ALLC: variants seen among roughly 807,000 people sequenced by gnomAD.
The protein encoded by ALLC is allantoicase, also known as probable inactive allantoicase.
A neutral mutation model predicts 45.0 loss-of-function variants in ALLC; 40 were observed. That is an observed-to-expected ratio of 0.89 (90% confidence interval 0.69 to 1.16). The LOEUF is 1.16. Ranked by LOEUF, ALLC falls within the 50% of genes most tolerant of loss-of-function variation. The pLI is 0.00. For missense variants in ALLC, 488 were observed against 493.1 expected, an observed-to-expected ratio of 0.99 and a Z score of 0.10; for synonymous variants, 176 against 178.1, an observed-to-expected ratio of 0.99 and a Z score of 0.09.
At chr2:3,688,540 C>G (rs1265910411) in intron 7 of ALLC, 1 of 194,048 alleles carries the variant, frequency 5.2e-6, no homozygotes, top group South Asian at 7.8e-5. Context: ...GTATGAGGCA[C>G]TACTAAGGAT....
chr2:3,670,184 T>C (rs1173211969), intron 1 of ALLC, among the ~76,000 whole-genome samples: 1 of 152,216 alleles, frequency 6.6e-6, no homozygotes, highest in Non-Finnish European at 1.5e-5. Flanking sequence ...TTTAAGAAAG[T>C]GTCCGTTTCA....
At chr2:3,648,675 G>A in the ALLC span, among the ~76,000 whole-genome samples, 74 of 152,320 alleles carry the variant, frequency 4.9e-4, no homozygotes, top group African/African-American at 1.7e-3. Flanking sequence ...AAGTGTCCAC[G>A]GGGCTGTAGG....
Position 3,681,618 on chromosome 2 carries a change from G to T in ALLC, c.299-16G>T, listed in dbSNP as rs1417540237. 1 of 1,590,538 alleles carries T rather than the reference G, an allele frequency of 6.3e-7. No individual in the cohort carries two copies. Among genetic ancestry groups the T allele is most frequent in the Non-Finnish European group, 8.6e-7 (1 of 1,164,024 alleles). ...TGAACCCTAATCTTAATCCTGAATG[G>T]TCATTCCAACTACAGATAAACTACC... On this transcript the variant is annotated splice_polypyrimidine_tract_variant and intron_variant, in intron 5 of 11. Coordinates refer to ENST00000252505, the MANE Select transcript of ALLC (RefSeq NM_018436.4).
chr2:3,671,758 T>C (rs1474771040), intron 2 of ALLC, among the ~76,000 whole-genome samples: 1 of 146,784 alleles, frequency 6.8e-6, no homozygotes, highest in African/African-American at 2.6e-5. Flanking sequence ...TCTGGTTAGA[T>C]CGGAGGTCCT....
upstream of ALLC, among the ~76,000 whole-genome samples, chr2:3,657,218 G>T (rs1003970487): frequency 1.3e-5 from 2 of 150,660 alleles, no homozygotes; most frequent in Non-Finnish European, 2.9e-5. Context: ...GGGTGGCGGG[G>T]CTGAGAGACG....
At chr2:3,657,641 GTTC>G (rs149651223), upstream of ALLC, among the ~76,000 whole-genome samples, 2,937 of 152,358 alleles carry the variant, frequency 0.019, 72 homozygotes, top group African/African-American at 0.057. Context: ...TGCATGGAAA[GTTC>G]TTCTGCAGAC....
rs774170405 is a variant in ALLC at position 3,682,954 on chromosome 2, G to A, written c.391G>A (p.Asp131Asn). The change falls in exon 7 of 12, where the codon GAC becomes AAC. Residue 131 changes from aspartate (D) to asparagine (N), a missense_variant. Transcript: ENST00000252505. ...FEAIAELKSD[D>N]WSYLVPMTEL... ...TATTTATTGCTAGCTAAAATCCGAC[G>A]ACTGGAGTTACTTGGTTCCCATGAC... 3.1e-6 allele frequency: 5 copies of A among 1,612,394 alleles called. No homozygotes were observed. The African/African-American group carries it at 4.0e-5, about 13-fold the overall frequency.
chr2:3,672,916 G>A (rs13386981), intron 2 of ALLC, among the ~76,000 whole-genome samples: 9,959 of 152,332 alleles, frequency 0.065, 397 homozygotes, highest in East Asian at 0.17. Context: ...GTACAGAAAG[G>A]GAAGACCCTG....
chr2:3,697,290 A>G, intron 9 of ALLC, 58 bp from the exon 10 acceptor site: 1 of 1,347,706 alleles, frequency 7.4e-7, no homozygotes, highest in African/African-American at 1.4e-5. Flanking sequence ...GGTTTTCGGG[A>G]CTGGTTTCTT....
At chr2:3,659,254 C>G (rs1320981064) in intron 1 of ALLC, among the ~76,000 whole-genome samples, 2 of 152,126 alleles carry the variant, frequency 1.3e-5, no homozygotes, top group African/African-American at 2.4e-5. Flanking sequence ...CCTAGACTTG[C>G]CTGGTCATGC....
chr2:3,662,410 C>G (rs922404903), intron 1 of ALLC, among the ~76,000 whole-genome samples: 5 of 152,186 alleles, frequency 3.3e-5, no homozygotes, highest in Non-Finnish European at 7.3e-5. Flanking sequence ...GCACATCCTG[C>G]TCACCACAGG....
chr2:3,681,794 A>AG, intron 6 of ALLC, 81 bp downstream of exon 6: 5 of 1,178,346 alleles, frequency 4.2e-6, no homozygotes, highest in Non-Finnish European at 6.0e-6. Flanking sequence ...CTGGCTGTGC[A>AG]AGGCGATTCT....
chr2:3,697,200 A>G, intron 9 of ALLC, 148 bp from the exon 10 acceptor site: 1 of 556,228 alleles, frequency 1.8e-6, no homozygotes, highest in Non-Finnish European at 3.2e-6. Context: ...TTTACATGAA[A>G]GTGATTTACA....
At chr2:3,684,504 T>C (rs944524848) in intron 7 of ALLC, among the ~76,000 whole-genome samples, 25 of 152,204 alleles carry the variant, frequency 1.6e-4, no homozygotes, top group African/African-American at 4.8e-4. Context: ...TTCTGAGATT[T>C]TGGTGCACCC....
chr2:3,699,628 A>G (rs1185997533), intron 10 of ALLC, among the ~76,000 whole-genome samples: 1 of 152,184 alleles, frequency 6.6e-6, no homozygotes, highest in Non-Finnish European at 1.5e-5. Context: ...AGCAGGGTAT[A>G]TATGTTCCCT....
intron 9 of ALLC, among the ~76,000 whole-genome samples, chr2:3,696,839 T>G (rs1017656291): frequency 6.6e-6 from 1 of 152,196 alleles, no homozygotes; most frequent in Non-Finnish European, 1.5e-5. Flanking sequence ...ACAATGCCTT[T>G]CAATTTGCAA....
the ALLC span, among the ~76,000 whole-genome samples, chr2:3,649,670 C>A: frequency 2.0e-5 from 3 of 152,270 alleles, no homozygotes; most frequent in South Asian, 2.1e-4. Context: ...CACGCCTGAC[C>A]TGGCAGCTCA....
At position 3,680,874 on chromosome 2, in the gene ALLC, T is replaced by TG. The variant is rs1462226351; in HGVS notation, c.299-760_299-759insG. 6.6e-5 allele frequency among the ~76,000 whole-genome samples: 10 copies of TG among 152,252 alleles called. No individual in the cohort carries two copies. The highest frequency in any genetic ancestry group is 2.9e-5 in the Non-Finnish European group (2 of 68,046). On this transcript the variant is annotated intron_variant, in intron 5 of 11. Coordinates refer to ENST00000252505, the MANE Select transcript of ALLC (RefSeq NM_018436.4). This position sits in a 1 kb window ranked among gnomAD's most constrained non-coding sequence, Gnocchi z 4.0. Reference sequence around the variant, plus strand: ...CAGGACGTGTTCACAGGATTGAGGCTAATCAGACATTGACATGGCAGATTC... The same window carrying TG: ...CAGGACGTGTTCACAGGATTGAGGCTGAATCAGACATTGACATGGCAGATTC...
At chr2:3,675,625 C>T (rs1667003185) in intron 3 of ALLC, among the ~76,000 whole-genome samples, 1 of 152,006 alleles carries the variant, frequency 6.6e-6, no homozygotes, top group Admixed American at 6.6e-5. Context: ...TAAACACTTA[C>T]ACACTACATA....
Sources: gnomAD v4.1 joint callset for allele counts (sites outside exome capture counted in the v4.1 genomes callset) on GRCh38, gnomAD v4.1.1 for gene constraint, Gnocchi (gnomAD v3.1) non-coding constraint, MANE v1.5 for transcripts, NCBI Gene and HGNC (gene_info 2026-07-23, HGNC 2026-07-21) for gene names.